PFKFB3: variants seen among roughly 807,000 people sequenced by gnomAD.
PFKFB3 encodes the protein 6-phosphofructo-2-kinase/fructose-2,6-biphosphatase 3.
Under a neutral mutation model 68.0 loss-of-function variants are expected in PFKFB3, and 33 were observed. The ratio of observed to expected loss-of-function variants is 0.49; its 90% CI spans 0.37 to 0.65. PFKFB3 has a LOEUF of 0.65. PFKFB3 is among the 30% of genes least tolerant of loss of function. PFKFB3 has a pLI of 0.00. For synonymous variants in PFKFB3, 315 were observed against 288.2 expected (o/e 1.09, Z -0.94); for missense variants, 586 against 712.2 (o/e 0.82, Z 2.02).
At chr10:6,144,943 A>C in exon 1 of PFKFB3, 1 of 1,242,302 alleles carries the variant, frequency 8.0e-7, no homozygotes, top group Non-Finnish European at 1.0e-6. Flanking sequence ...TGCCGCTTGG[A>C]CGTCGTCCTG....
At position 6,162,337 on chromosome 10, in the gene PFKFB3, C is replaced by T. The variant is rs1330836392; in HGVS notation, c.16+17324C>T. ...CTGGCTGTTGTCAATAATGCTGCTG[C>T]GAACATGGGTCTACAAACATCTCTT... On this transcript the variant is annotated intron_variant, in intron 1 of 14. Transcript: ENST00000379789. Among the ~76,000 whole-genome samples, 4 of 152,270 alleles carry T rather than the reference C, an allele frequency of 2.6e-5. No individual in the cohort carries two copies. The South Asian group carries it at 6.2e-4, about 24-fold the overall frequency.
chr10:6,325,400 T>G, the PFKFB3 span, among the ~76,000 whole-genome samples: 1 of 152,360 alleles, frequency 6.6e-6, no homozygotes, highest in Non-Finnish European at 1.5e-5. Flanking sequence ...ACATGTGACC[T>G]TGCTCTTCTA....
intron 1 of PFKFB3, among the ~76,000 whole-genome samples, chr10:6,173,258 T>C (rs539403927): frequency 1.8e-4 from 27 of 152,262 alleles, no homozygotes; most frequent in Admixed American, 5.9e-4. Context: ...CTGGTGGTCA[T>C]GTTTGTGTTT....
Position 6,221,495 on chromosome 10 carries a change from G to A in PFKFB3, c.946G>A (p.Glu316Lys), listed in dbSNP as rs1325145504. The stretch of plus-strand genomic sequence containing the variant: ...GGCCGAGGCGCTGCGGCTGCCCTAC[G>A]AGCAGTGGAAGGCGCTCAATGAGAT... ...QTAEALRLPY[E>K]QWKALNEIDA... Residue 316 changes from glutamate (E) to lysine (K), a missense_variant, in exon 9 of 15, where the codon GAG becomes AAG. Physicochemically the swap from Glu to Lys is moderately conservative, Grantham distance 56. Transcript: ENST00000379775. The A allele has an allele frequency of 1.2e-6, 2 of 1,613,458 alleles. No homozygotes were observed. The highest frequency in any genetic ancestry group is 1.1e-5 in the South Asian group (1 of 91,084).
chr10:6,307,351 A>T, the PFKFB3 span, among the ~76,000 whole-genome samples: 1 of 151,440 alleles, frequency 6.6e-6, no homozygotes, highest in Non-Finnish European at 1.5e-5. Context: ...ACACACACAC[A>T]CACACACACA....
At chr10:6,273,168 G>T in the PFKFB3 span, among the ~76,000 whole-genome samples, 1 of 151,870 alleles carries the variant, frequency 6.6e-6, no homozygotes, top group Non-Finnish European at 1.5e-5. Context: ...CACCACGTGC[G>T]GCTAATTTTT....
At chr10:6,270,762 C>T in the PFKFB3 span, among the ~76,000 whole-genome samples, 3 of 152,104 alleles carry the variant, frequency 2.0e-5, no homozygotes, top group Admixed American at 6.5e-5. Flanking sequence ...TTGTAGGACA[C>T]CCAGAGTTGC....
chr10:6,297,497 G>C, the PFKFB3 span, among the ~76,000 whole-genome samples: 4 of 151,640 alleles, frequency 2.6e-5, no homozygotes, highest in East Asian at 7.7e-4. Flanking sequence ...GTGCCAGTGA[G>C]GTGTCCTTCT....
At chr10:6,313,218 C>T in the PFKFB3 span, among the ~76,000 whole-genome samples, 1 of 152,158 alleles carries the variant, frequency 6.6e-6, no homozygotes, top group Admixed American at 6.5e-5. The surrounding 1 kb of genome is among the most constrained non-coding windows in gnomAD (Gnocchi z 4.2). Flanking sequence ...TTTGCAAATG[C>T]TTTGATTTTA....
In PFKFB3 at chr10:6,229,175, G is replaced by A. The variant is rs750543692; in HGVS notation, c.1515+2810G>A. 1.9e-6 allele frequency: 1 copy of A among 525,810 alleles called. No individual in the cohort carries two copies. The highest frequency in any genetic ancestry group is 1.4e-5 in the South Asian group (1 of 70,288). The allele number at this position is 525,810 out of a possible 1,614,324, so 32.6% of individuals were successfully genotyped here. A position where few individuals can be genotyped will look rare whatever the true frequency, so the allele number is the denominator to read the frequency against. ...AAAAGAATGACTGGCTTTGGAAATG[G>A]GAGAGGTTTGGCATGGCGCTCAGAT... On this transcript the variant is annotated intron_variant, in intron 14 of 14. Coordinates refer to ENST00000379775, the MANE Select transcript of PFKFB3 (RefSeq NM_004566.4). This position sits in a 1 kb window ranked among gnomAD's most constrained non-coding sequence, Gnocchi z 4.3.
rs144821118 is a variant in PFKFB3, at chr10:6,158,641, G to A, written c.16+13628G>A. ...AGCACTTTGGGAGGCCTAGGCAGGC[G>A]GATCACCTGAGGTCAGGAGTTCAAG... On this transcript the variant is annotated intron_variant, in intron 1 of 14. Transcript: ENST00000379789. 9.9e-5 allele frequency among the ~76,000 whole-genome samples: 15 copies of A among 152,160 alleles called. No individual in the cohort carries two copies. In the East Asian group the frequency reaches 2.3e-3, roughly 24 times the overall value.
intron 1 of PFKFB3, among the ~76,000 whole-genome samples, chr10:6,161,229 C>CCTGACCTCATTCG (rs1400610291): frequency 6.6e-6 from 1 of 152,158 alleles, no homozygotes; most frequent in East Asian, 1.9e-4. Context: ...AGCCACGGCG[C>CCTGACCTCATTCG]CTGACCTCAT....
chr10:6,176,101 G>A (rs1490706943), intron 1 of PFKFB3, among the ~76,000 whole-genome samples: 1 of 152,264 alleles, frequency 6.6e-6, no homozygotes, highest in African/African-American at 2.4e-5. Context: ...CAAGTGTGGT[G>A]TTCGTGCAGT....
At chr10:6,155,910 G>T (rs1290989794) in intron 1 of PFKFB3, among the ~76,000 whole-genome samples, 1 of 152,114 alleles carries the variant, frequency 6.6e-6, no homozygotes, top group Non-Finnish European at 1.5e-5. Context: ...TGAAACTTTG[G>T]AAGATATTTT....
intron 14 of PFKFB3, among the ~76,000 whole-genome samples, chr10:6,252,669 A>G (rs1846406843): frequency 1.3e-5 from 2 of 152,238 alleles, no homozygotes; most frequent in Non-Finnish European, 2.9e-5. Context: ...CACTATGGAA[A>G]ACTATGTGAT....
intron 1 of PFKFB3, among the ~76,000 whole-genome samples, chr10:6,170,456 C>T (rs1055735918): frequency 1.1e-4 from 17 of 152,142 alleles, no homozygotes; most frequent in African/African-American, 3.4e-4. Context: ...GTGGTGCATG[C>T]CTGTAATCCC....
In PFKFB3 at chr10:6,233,159, A is replaced by G; in HGVS notation, c.*217A>G. ...CGTGGGTCCCTGGCGCCCTGCCTTT[A>G]GCCGTGGGGCCCCCACCTCCACTCT... On this transcript the variant is annotated 3_prime_UTR_variant, in exon 15 of 15. Coordinates refer to ENST00000379775, the MANE Select transcript of PFKFB3 (RefSeq NM_004566.4). 1.8e-6 allele frequency: 1 copy of G among 547,314 alleles called. No homozygotes were observed. The highest frequency in any genetic ancestry group is 3.3e-6 in the Non-Finnish European group (1 of 305,618). 33.9% of individuals were successfully genotyped at this position (547,314 alleles called of 1,614,324 possible).
At chr10:6,207,351 C>G (rs1377276286) in intron 1 of PFKFB3, among the ~76,000 whole-genome samples, 1 of 152,228 alleles carries the variant, frequency 6.6e-6, no homozygotes, top group African/African-American at 2.4e-5. Flanking sequence ...GCAGGAGAAT[C>G]AGGCAGGGAG....
chr10:6,266,836 G>C, the PFKFB3 span, among the ~76,000 whole-genome samples: 1 of 152,208 alleles, frequency 6.6e-6, no homozygotes, highest in Admixed American at 6.5e-5. Context: ...TGCCAAACCT[G>C]GGGCCCCGCA....
Sources: gnomAD v4.1 joint callset for allele counts (sites outside exome capture counted in the v4.1 genomes callset) on GRCh38, gnomAD v4.1.1 for gene constraint, Gnocchi (gnomAD v3.1) non-coding constraint, MANE v1.5 for transcripts, NCBI Gene and HGNC (gene_info 2026-07-23, HGNC 2026-07-21) for gene names.